The following MACROD2 variants were observed in gnomAD, a reference collection of about 807,000 sequenced individuals.
MACROD2 encodes ADP-ribose glycohydrolase MACROD2.
MACROD2 carries 36 observed loss-of-function variants against 70.4 expected under a neutral mutation model. The observed-to-expected ratio is 0.51, with a 90% CI of 0.39 to 0.68. The LOEUF (loss-of-function observed/expected upper bound fraction) is 0.68, where lower values mean the gene tolerates loss of function less well. Among genes scored for constraint, MACROD2 ranks in the 30% least tolerant of loss-of-function variants. The pLI is 0.00. For missense variants in MACROD2, 496 were observed against 538.4 expected (o/e 0.92, Z 0.78); for synonymous variants, 172 against 178.8 (o/e 0.96, Z 0.30).
At chr20:15,151,600 G>A (rs1364172614) in intron 5 of MACROD2, among the ~76,000 whole-genome samples, 2 of 151,990 alleles carry the variant, frequency 1.3e-5, no homozygotes, top group Non-Finnish European at 2.9e-5. Flanking sequence ...CACCTTTTAG[G>A]GTCTAGGGCT....
intron 8 of MACROD2, among the ~76,000 whole-genome samples, chr20:15,595,292 A>T (rs2048731964): frequency 6.6e-6 from 1 of 152,186 alleles, no homozygotes; most frequent in Admixed American, 6.5e-5. Flanking sequence ...ACAATTAAAA[A>T]CTTGGATCTT....
chr20:15,804,110 T>C (rs2063748665), intron 8 of MACROD2, among the ~76,000 whole-genome samples: 2 of 152,232 alleles, frequency 1.3e-5, no homozygotes, highest in Non-Finnish European at 2.9e-5. Flanking sequence ...GGCTTTTGGA[T>C]GATGAAGTGG....
rs116345794 is a variant in MACROD2, at chr20:14,758,164, A to C, written c.418+73205A>C. The C allele has an allele frequency of 1.1e-3, 341 of 296,610 alleles. 7 individuals are homozygous for C. The highest frequency in any genetic ancestry group is 7.1e-3 in the African/African-American group (325 of 46,088). 18.4% of individuals were successfully genotyped at this position (296,610 alleles called of 1,614,324 possible). A position where few individuals can be genotyped will look rare whatever the true frequency, so the allele number is the denominator to read the frequency against. ...TGATTTCAGATTTATTAAAAAAATAAACACAGGTAATTTCCATTTTCTAGT... is the reference window on the plus strand; with the variant it reads ...TGATTTCAGATTTATTAAAAAAATACACACAGGTAATTTCCATTTTCTAGT... On this transcript the variant is annotated intron_variant, in intron 5 of 17. Transcript: ENST00000684519.
intron 5 of MACROD2, among the ~76,000 whole-genome samples, chr20:14,849,698 T>A (rs2073178870): frequency 6.6e-6 from 1 of 152,072 alleles, no homozygotes; most frequent in African/African-American, 2.4e-5. Flanking sequence ...GGAGAATCGC[T>A]TGAACCTGGG....
chr20:15,880,335 G>GT (rs201562037), intron 9 of MACROD2, among the ~76,000 whole-genome samples: 2,475 of 152,000 alleles, frequency 0.016, 51 homozygotes, highest in African/African-American at 0.051. Flanking sequence ...ACGTCCACAT[G>GT]TTTTTACAGA....
chr20:14,749,758 G>T (rs1398841589), intron 5 of MACROD2, among the ~76,000 whole-genome samples: 2 of 152,084 alleles, frequency 1.3e-5, no homozygotes, highest in Non-Finnish European at 2.9e-5. Flanking sequence ...TACATAAATA[G>T]ATTTTAAGCA....
intron 8 of MACROD2, among the ~76,000 whole-genome samples, chr20:15,817,816 C>A (rs1423565085): frequency 2.0e-5 from 3 of 152,118 alleles, no homozygotes; most frequent in African/African-American, 7.2e-5. Context: ...TCTTTCCTCC[C>A]TAATTAGTTT....
intron 3 of MACROD2, among the ~76,000 whole-genome samples, chr20:14,322,202 T>A (rs62207605): frequency 0.39 from 20,771 of 53,580 alleles, 2,214 homozygotes; most frequent in Admixed American, 0.47. Flanking sequence ...ATATATATAT[T>A]TTGTATTTTG....
chr20:14,571,020 A>G (rs974023706), intron 4 of MACROD2, among the ~76,000 whole-genome samples: 1 of 152,072 alleles, frequency 6.6e-6, no homozygotes, highest in African/African-American at 2.4e-5. Context: ...AAGAATGCAG[A>G]TATCTTGGCC....
At chr20:14,201,530 A>G (rs2081479463) in intron 3 of MACROD2, among the ~76,000 whole-genome samples, 1 of 152,102 alleles carries the variant, frequency 6.6e-6, no homozygotes, top group Non-Finnish European at 1.5e-5. Context: ...TTATCTCTGG[A>G]CTTCTGCCTG....
intron 5 of MACROD2, among the ~76,000 whole-genome samples, chr20:15,218,662 C>T (rs963366034): frequency 1.3e-5 from 2 of 152,130 alleles, no homozygotes; most frequent in Non-Finnish European, 2.9e-5. Flanking sequence ...TTAAGAAGTG[C>T]TTTTCCATTC....
intron 8 of MACROD2, among the ~76,000 whole-genome samples, chr20:15,505,067 G>A (rs1407821503): frequency 6.6e-6 from 1 of 152,126 alleles, no homozygotes; most frequent in Non-Finnish European, 1.5e-5. Flanking sequence ...GGACTCATAT[G>A]GCATTTGGCT....
At chr20:14,184,132 A>G (rs546835235) in intron 3 of MACROD2, among the ~76,000 whole-genome samples, 1 of 152,020 alleles carries the variant, frequency 6.6e-6, no homozygotes, top group South Asian at 2.1e-4. Flanking sequence ...ATTGTATTGC[A>G]TATGTTTTCT....
At chr20:14,995,755 A>T (rs2074943935) in intron 5 of MACROD2, among the ~76,000 whole-genome samples, 1 of 152,186 alleles carries the variant, frequency 6.6e-6, no homozygotes, top group Non-Finnish European at 1.5e-5. Flanking sequence ...CATAATGGAC[A>T]TTATAAAGTA....
chr20:14,937,835 C>A (rs2074354129), intron 5 of MACROD2, among the ~76,000 whole-genome samples: 1 of 151,964 alleles, frequency 6.6e-6, no homozygotes, highest in Non-Finnish European at 1.5e-5. Flanking sequence ...TTCATCCTCC[C>A]ACCCCCTTAC....
intron 5 of MACROD2, among the ~76,000 whole-genome samples, chr20:15,087,340 A>G (rs1274484471): frequency 1.3e-5 from 2 of 152,070 alleles, no homozygotes; most frequent in Non-Finnish European, 2.9e-5. Context: ...CTATAATCTA[A>G]ATACCATGGT....
chr20:15,744,693 TAC>T (rs11467530), intron 8 of MACROD2, among the ~76,000 whole-genome samples: 30,043 of 147,732 alleles, frequency 0.2, 3,637 homozygotes, highest in Non-Finnish European at 0.28. Flanking sequence ...AAACCAAGTA[TAC>T]ACACACACAC....
intron 8 of MACROD2, among the ~76,000 whole-genome samples, chr20:15,843,869 G>GC (rs1296899591): frequency 6.6e-6 from 1 of 152,086 alleles, no homozygotes; most frequent in Non-Finnish European, 1.5e-5. Context: ...GACAAATCAT[G>GC]CTGTAACCTT....
chr20:15,477,614 A>G (rs991420671), intron 7 of MACROD2, among the ~76,000 whole-genome samples: 1 of 152,164 alleles, frequency 6.6e-6, no homozygotes, highest in South Asian at 2.1e-4. Flanking sequence ...GGGTACATTA[A>G]CAAATGGGTT....
Sources: allele counts gnomAD v4.1 joint callset (sites outside exome capture counted in the v4.1 genomes callset), GRCh38; gene constraint gnomAD v4.1.1; transcripts MANE v1.5; gene names NCBI Gene and HGNC (gene_info 2026-07-23, HGNC 2026-07-21).